Variants in MMP20 observed in about 807,000 individuals in gnomAD.
The protein encoded by MMP20 is matrix metallopeptidase 20, also known as matrix metalloproteinase-20.
MMP20 carries 50 observed loss-of-function variants against 51.8 expected under a neutral mutation model. The observed-to-expected ratio is 0.97, with a 90% confidence interval of 0.77 to 1.22. MMP20 has a LOEUF of 1.22. Ranked by LOEUF, MMP20 falls within the 50% of genes most tolerant of loss-of-function variation. The probability of loss-of-function intolerance (pLI) is 0.00; values close to 1 mark genes in which losing one functional copy is unlikely to be tolerated. For synonymous variants in MMP20, 244 were observed against 216.2 expected (o/e 1.13, Z -1.13); for missense variants, 663 against 601.4 (o/e 1.10, Z -1.07).
chr11:102,579,189 C>G, intron 8 of MMP20, 47 bp from the exon 9 acceptor site: 1 of 1,363,952 alleles, frequency 7.3e-7, no homozygotes, highest in Non-Finnish European at 1.0e-6. Context: ...GAGGTTTTTA[C>G]TGGTTGTAGA....
chr11:102,618,565 T>C (rs527562771), intron 1 of MMP20, among the ~76,000 whole-genome samples: 22 of 152,078 alleles, frequency 1.4e-4, no homozygotes, highest in Non-Finnish European at 2.9e-4. Context: ...AATAAATATT[T>C]AATGGTATGA....
intron 8 of MMP20, 86 bp downstream of exon 8, chr11:102,593,353 T>G (rs1344142189): frequency 1.6e-5 from 24 of 1,468,114 alleles, no homozygotes; most frequent in Non-Finnish European, 2.0e-5. Context: ...CAAACTTGCT[T>G]TGCATTCTTT....
intron 8 of MMP20, among the ~76,000 whole-genome samples, chr11:102,586,549 C>T (rs928422841): frequency 1.3e-5 from 2 of 152,034 alleles, no homozygotes; most frequent in Non-Finnish European, 2.9e-5. Context: ...CACAGTGGCT[C>T]ACACCTGTAA....
At chr11:102,601,855 C>A (rs1349060532) in intron 6 of MMP20, among the ~76,000 whole-genome samples, 3 of 152,198 alleles carry the variant, frequency 2.0e-5, no homozygotes, top group Admixed American at 6.6e-5. Context: ...CCTAATCCCA[C>A]TGGTGAGTCC....
At chr11:102,581,425 G>T (rs1012524289) in intron 8 of MMP20, among the ~76,000 whole-genome samples, 2 of 152,204 alleles carry the variant, frequency 1.3e-5, no homozygotes, top group African/African-American at 2.4e-5. Flanking sequence ...GGGCTAAAAA[G>T]TGTTGGAGGC....
At chr11:102,618,050 T>C (rs890631207) in intron 1 of MMP20, among the ~76,000 whole-genome samples, 2 of 152,196 alleles carry the variant, frequency 1.3e-5, no homozygotes, top group African/African-American at 4.8e-5. Context: ...TACAGCCTCC[T>C]GTATGCTTTA....
chr11:102,587,971 C>T (rs1591610145), intron 8 of MMP20, among the ~76,000 whole-genome samples: 1 of 152,042 alleles, frequency 6.6e-6, no homozygotes, highest in African/African-American at 2.4e-5. Flanking sequence ...TGAATTTATG[C>T]TTGCCATTTT....
Position 102,617,016 on chromosome 11 carries a change from A to C in MMP20, c.170T>G (p.Ile57Ser). ...KYYTNKEGHQ[I>S]GEMVARGSNS... is the part of the protein sequence containing the mutation. ...GCTTCCTCTTGCAACCATCTCACCA[A>C]TCTGGTGTCCTTCTTTATTTGTGTA... The change falls in exon 2 of 10, where the codon ATT becomes AGT. Residue 57 changes from isoleucine to serine, a missense_variant. Physicochemically the swap from Ile to Ser is moderately radical, Grantham distance 142. Coordinates refer to ENST00000260228, the MANE Select transcript of MMP20 (RefSeq NM_004771.4). 1 of 1,614,038 alleles carries C rather than the reference A, an allele frequency of 6.2e-7. No individual in the cohort carries two copies. Among genetic ancestry groups the C allele is most frequent in the Non-Finnish European group, 8.5e-7 (1 of 1,179,960 alleles).
At chr11:102,594,574 G>A in intron 7 of MMP20, 47 bp downstream of exon 7, 3 of 1,609,450 alleles carry the variant, frequency 1.9e-6, no homozygotes, top group African/African-American at 1.3e-5. Context: ...AAATGAATGG[G>A]GCACTGCAGC....
intron 8 of MMP20, among the ~76,000 whole-genome samples, chr11:102,589,757 T>C (rs764458978): frequency 6.6e-6 from 1 of 152,326 alleles, no homozygotes; most frequent in Admixed American, 6.5e-5. Context: ...GTCTAATAAA[T>C]GTAGGTTGAA....
chr11:102,608,206 A>C (rs756269235), intron 5 of MMP20: 2 of 152,200 alleles, frequency 1.3e-5, no homozygotes, highest in Non-Finnish European at 2.9e-5. Flanking sequence ...AGGAAAAGCA[A>C]TTTCCTAGAT....
At chr11:102,610,966 C>T (rs1053455212) in intron 3 of MMP20, among the ~76,000 whole-genome samples, 1 of 152,086 alleles carries the variant, frequency 6.6e-6, no homozygotes, top group Non-Finnish European at 1.5e-5. Flanking sequence ...TCAAAGCTAC[C>T]CCGAGTCACA....
At chr11:102,590,978 C>T (rs899286376) in intron 8 of MMP20, among the ~76,000 whole-genome samples, 2 of 152,218 alleles carry the variant, frequency 1.3e-5, no homozygotes, top group Admixed American at 6.5e-5. Flanking sequence ...TGGCTCTAAA[C>T]TGTCAGACTT....
At position 102,606,825 on chromosome 11, in the gene MMP20, C is replaced by T. The variant is rs3781788; in HGVS notation, c.812-149G>A. On this transcript the variant is annotated intron_variant, in intron 5 of 9. Transcript: ENST00000260228. ...TGAGGGCAGGTATGGGTTTGAGTCC[C>T]GGCTCTCCTGGTTGCTGAGCTGTGT... 0.13 allele frequency: 117,628 copies of T among 883,102 alleles called. 9,733 individuals carry two copies. The highest frequency in any genetic ancestry group is 0.37 in the East Asian group (14,408 of 38,950). 54.7% of individuals were successfully genotyped at this position (883,102 alleles called of 1,614,324 possible). A position where few individuals can be genotyped will look rare whatever the true frequency, so the allele number is the denominator to read the frequency against.
chr11:102,581,544 G>C (rs9787933), intron 8 of MMP20, among the ~76,000 whole-genome samples: 16,892 of 152,020 alleles, frequency 0.11, 1,020 homozygotes, highest in East Asian at 0.22. Flanking sequence ...ATAGGATGAA[G>C]ATCACGGGGA....
At position 102,594,681 on chromosome 11, in the gene MMP20, T is replaced by C; in HGVS notation, c.1030A>G (p.Met344Val). The C allele has an allele frequency of 1.2e-6, 2 of 1,609,672 alleles. No homozygotes were observed. Among genetic ancestry groups the C allele is most frequent in the Non-Finnish European group, 1.7e-6 (2 of 1,178,606 alleles). ...STITSSFPQL[M>V]SNVDAAYEVA... is the part of the protein sequence containing the mutation. ...TCGTAAGCTGCATCCACATTGGACA[T>C]GAGCTGGGGGAAGGAGCTGGTAATA... Residue 344 changes from methionine to valine, a missense_variant, in exon 7 of 10, where the codon ATG becomes GTG. Physicochemically the swap from Met to Val is conservative, Grantham distance 21 (BLOSUM62 1). Transcript: ENST00000260228.
intron 1 of MMP20, among the ~76,000 whole-genome samples, chr11:102,619,191 G>T (rs1167862633): frequency 1.3e-5 from 2 of 151,928 alleles, no homozygotes; most frequent in Admixed American, 6.6e-5. Flanking sequence ...GCAAGTTGAT[G>T]CTGTGATAAT....
At chr11:102,580,922 CTG>C (rs1044730934) in intron 8 of MMP20, among the ~76,000 whole-genome samples, 4 of 152,102 alleles carry the variant, frequency 2.6e-5, no homozygotes, top group African/African-American at 7.2e-5. Flanking sequence ...CCTTATTTAG[CTG>C]TGAACTGGTG....
chr11:102,622,557 C>T (rs1033376832), intron 1 of MMP20, among the ~76,000 whole-genome samples: 5 of 152,064 alleles, frequency 3.3e-5, no homozygotes, highest in African/African-American at 7.3e-5. Flanking sequence ...TCCTGGACTA[C>T]GCCATTAAAA....
Sources: allele counts gnomAD v4.1 joint callset (sites outside exome capture counted in the v4.1 genomes callset), GRCh38; gene constraint gnomAD v4.1.1; transcripts MANE v1.5; gene names NCBI Gene and HGNC (gene_info 2026-07-23, HGNC 2026-07-21).